The following EYS variants were observed in gnomAD, a reference collection of about 807,000 sequenced individuals.
The protein encoded by EYS is protein eyes shut homolog.
EYS carries 250 observed loss-of-function variants against 282.1 expected under a neutral mutation model. The observed-to-expected ratio is 0.89, with a 90% CI of 0.80 to 0.98. The LOEUF (loss-of-function observed/expected upper bound fraction) is 0.98. Among genes scored for constraint, EYS ranks in the 50% least tolerant of loss-of-function variants. The pLI is 0.00. For synonymous variants in EYS, 1,355 were observed against 1,282.9 expected, an observed-to-expected ratio of 1.06 and a Z score of -1.20; for missense variants, 4,016 against 3,709.0, an observed-to-expected ratio of 1.08 and a Z score of -2.15.
rs1230542300 is a variant in EYS at position 64,763,261 on chromosome 6, AAAG to A, written c.3443+50114_3443+50116del. 1.1e-4 allele frequency among the ~76,000 whole-genome samples: 17 copies of A among 152,314 alleles called. 1 individual carries two copies. Among genetic ancestry groups the A allele is most frequent in the Admixed American group, 5.9e-4 (9 of 15,302 alleles). The stretch of plus-strand genomic sequence containing the variant: ...ACTGAGAGTGGGTATTTTATGAAGA[AAAG>A]AAGTTTAATTCACTCACTGTTCTAC... On this transcript the variant is annotated intron_variant, in intron 22 of 42. Coordinates refer to ENST00000503581, the MANE Select transcript of EYS (RefSeq NM_001142800.2).
At chr6:65,703,284 C>T (rs1443486410) in intron 1 of EYS, among the ~76,000 whole-genome samples, 1 of 152,050 alleles carries the variant, frequency 6.6e-6, no homozygotes. Flanking sequence ...TGCACATATA[C>T]AGGCAGATAG....
intron 12 of EYS, among the ~76,000 whole-genome samples, chr6:65,129,870 T>C (rs1282952669): frequency 6.6e-6 from 1 of 151,890 alleles, no homozygotes; most frequent in Non-Finnish European, 1.5e-5. Context: ...ATGTTCTTTG[T>C]AGTGTTATTC....
chr6:64,464,024 T>C (rs1449575656), intron 26 of EYS, among the ~76,000 whole-genome samples: 3 of 152,176 alleles, frequency 2.0e-5, no homozygotes, highest in Admixed American at 6.5e-5. Context: ...CCTTGAAACA[T>C]AAGATACTCC....
At chr6:65,071,832 G>A (rs1050779074) in intron 12 of EYS, among the ~76,000 whole-genome samples, 4 of 151,736 alleles carry the variant, frequency 2.6e-5, no homozygotes, top group Admixed American at 6.6e-5. Flanking sequence ...AACAGTGTTC[G>A]GAAGTGTAAC....
intron 29 of EYS, among the ~76,000 whole-genome samples, chr6:64,383,032 A>G (rs1378544160): frequency 6.6e-6 from 1 of 152,174 alleles, no homozygotes; most frequent in East Asian, 1.9e-4. Context: ...TCATGCTTGT[A>G]ATCCTAGCTA....
chr6:64,917,022 G>T (rs1304124591), intron 15 of EYS, among the ~76,000 whole-genome samples: 1 of 152,160 alleles, frequency 6.6e-6, no homozygotes, highest in East Asian at 1.9e-4. Flanking sequence ...AGTCCGAGGC[G>T]GGTGGATCAC....
chr6:64,183,165 G>T (rs912988655), intron 31 of EYS, among the ~76,000 whole-genome samples: 8 of 152,136 alleles, frequency 5.3e-5, no homozygotes, highest in African/African-American at 1.7e-4. Context: ...ATGTGAAGAA[G>T]GACATGTTTG....
At chr6:64,469,769 CAT>C (rs1332633226) in intron 26 of EYS, among the ~76,000 whole-genome samples, 5 of 152,012 alleles carry the variant, frequency 3.3e-5, no homozygotes, top group Non-Finnish European at 7.4e-5. Context: ...GAGGGCCTGA[CAT>C]TAGTCAGGCC....
chr6:64,643,122 C>CT (rs1554188072), intron 22 of EYS, among the ~76,000 whole-genome samples: 1 of 146,734 alleles, frequency 6.8e-6, no homozygotes, highest in Non-Finnish European at 1.5e-5. Flanking sequence ...TCCCCCCCCC[C>CT]AAAAAAAAAC....
intron 30 of EYS, among the ~76,000 whole-genome samples, chr6:64,239,466 T>G (rs1403050430): frequency 6.6e-6 from 1 of 152,242 alleles, no homozygotes; most frequent in Non-Finnish European, 1.5e-5. Context: ...TGAGATGGTA[T>G]CTCATTGTGG....
At chr6:64,031,144 G>A (rs748958154) in intron 33 of EYS, among the ~76,000 whole-genome samples, 2 of 152,218 alleles carry the variant, frequency 1.3e-5, no homozygotes, top group Non-Finnish European at 2.9e-5. Flanking sequence ...CTCAGCTTGC[G>A]GGGAGGTGTG....
intron 2 of EYS, among the ~76,000 whole-genome samples, chr6:65,569,903 T>C (rs1764418458): frequency 6.6e-6 from 1 of 152,136 alleles, no homozygotes; most frequent in African/African-American, 2.4e-5. Flanking sequence ...CTTTCTCTAT[T>C]TTAATTCTTT....
At chr6:64,289,842 A>G (rs1197270420) in intron 30 of EYS, among the ~76,000 whole-genome samples, 1 of 152,098 alleles carries the variant, frequency 6.6e-6, no homozygotes, top group Admixed American at 6.6e-5. Flanking sequence ...TGGTACTCTT[A>G]GAAATTTGAA....
Position 64,590,879 on chromosome 6 carries a change from T to A in EYS, c.4988A>T (p.Lys1663Met), listed in dbSNP as rs1341414541. Residue 1663 changes from lysine (K) to methionine (M), a missense_variant, in exon 26 of 43, where the codon AAG becomes ATG. Transcript: ENST00000503581. ...TGAAGGGACAATGGATAAACAAGTC[T>A]TATCCAAACATAAATTAACATCCAA... ...SNLDVNLCLD[K>M]TCLSIVPSQT... 1 of 1,550,574 alleles carries A rather than the reference T, an allele frequency of 6.4e-7. No individual in the cohort carries two copies. Among genetic ancestry groups the A allele is most frequent in the Non-Finnish European group, 8.7e-7 (1 of 1,146,662 alleles).
At chr6:64,358,125 G>C (rs1192828660) in intron 29 of EYS, among the ~76,000 whole-genome samples, 3 of 151,588 alleles carry the variant, frequency 2.0e-5, no homozygotes, top group African/African-American at 7.3e-5. Flanking sequence ...TTCTTTCTGT[G>C]CCATTTAGAA....
At chr6:65,606,033 A>C (rs2149792515) in intron 2 of EYS, among the ~76,000 whole-genome samples, 1 of 151,744 alleles carries the variant, frequency 6.6e-6, no homozygotes, top group South Asian at 2.1e-4. Context: ...TATAATGAAT[A>C]ATTAATATTC....
Position 63,836,281 on chromosome 6 carries a change from C to T in EYS, c.7228+27905G>A, listed in dbSNP as rs144438103. On this transcript the variant is annotated intron_variant, in intron 36 of 42. Coordinates refer to ENST00000503581, the MANE Select transcript of EYS (RefSeq NM_001142800.2). ...GCCAATTACAAATGGCTAATGGTTT[C>T]TGGTAAAACAGAAATTCTGTTTGCT... 4.1e-3 allele frequency among the ~76,000 whole-genome samples: 618 copies of T among 151,974 alleles called. 4 individuals are homozygous for T. The highest frequency in any genetic ancestry group is 0.014 in the African/African-American group (600 of 41,508).
At chr6:64,883,380 C>T (rs571440206) in intron 19 of EYS, among the ~76,000 whole-genome samples, 4 of 151,226 alleles carry the variant, frequency 2.6e-5, no homozygotes, top group Non-Finnish European at 5.9e-5. Context: ...GCATTATTAT[C>T]AAAGTTATTA....
At chr6:65,673,410 T>G (rs1417921341) in intron 1 of EYS, among the ~76,000 whole-genome samples, 1 of 152,062 alleles carries the variant, frequency 6.6e-6, no homozygotes, top group Non-Finnish European at 1.5e-5. Context: ...GATGTGGTTT[T>G]GTATGAACTG....
Sources: gnomAD v4.1 joint callset for allele counts (sites outside exome capture counted in the v4.1 genomes callset) on GRCh38, gnomAD v4.1.1 for gene constraint, MANE v1.5 for transcripts, NCBI Gene and HGNC (gene_info 2026-07-23, HGNC 2026-07-21) for gene names.